The following RIPOR2 variants were observed in gnomAD, a reference collection of about 807,000 sequenced individuals.
RIPOR2 encodes RHO family interacting cell polarization regulator 2, also known as rho family-interacting cell polarization regulator 2.
In RIPOR2, 39 loss-of-function variants were observed where a neutral mutation model predicts 114.5. The ratio of observed to expected loss-of-function variants is 0.34; its 90% CI spans 0.26 to 0.44. RIPOR2 has a LOEUF of 0.44. RIPOR2 is among the 20% of genes least tolerant of loss of function. The pLI, the probability that RIPOR2 is intolerant of heterozygous loss-of-function variation, is 1.00. For missense variants in RIPOR2, 1,007 were observed against 1,255.1 expected (o/e 0.80, Z 2.99); for synonymous variants, 445 against 484.4 (o/e 0.92, Z 1.07).
intron 15 of RIPOR2, among the ~76,000 whole-genome samples, chr6:24,832,959 C>CT (rs1760799625): frequency 6.6e-6 from 1 of 152,152 alleles, no homozygotes; most frequent in African/African-American, 2.4e-5. Flanking sequence ...TGAGGCGGGT[C>CT]TTATTGATAT....
chr6:24,966,512 G>A (rs928930826), intron 1 of RIPOR2, among the ~76,000 whole-genome samples: 2 of 152,114 alleles, frequency 1.3e-5, no homozygotes, highest in African/African-American at 2.4e-5. Context: ...CTGCCGAGTC[G>A]GGAAATTATA....
intron 10 of RIPOR2, among the ~76,000 whole-genome samples, chr6:24,850,281 G>C (rs139839549): frequency 1.8e-4 from 27 of 152,022 alleles, no homozygotes; most frequent in African/African-American, 6.0e-4. Context: ...CTTTTGTAGA[G>C]ACGGCGTTTT....
chr6:25,016,087 G>T (rs1775986343), intron 1 of RIPOR2, among the ~76,000 whole-genome samples: 1 of 151,424 alleles, frequency 6.6e-6, no homozygotes, highest in Non-Finnish European at 1.5e-5. Flanking sequence ...TGTATTTTTA[G>T]TAGACACGGG....
chr6:24,811,670 T>C (rs1218831256), intron 20 of RIPOR2, among the ~76,000 whole-genome samples: 2 of 7,888 alleles, frequency 2.5e-4, no homozygotes, highest in African/African-American at 3.4e-4. Context: ...TTTTTTTTTT[T>C]TTTTTCTTTT....
chr6:24,808,077 G>A (rs1780893021), intron 21 of RIPOR2, among the ~76,000 whole-genome samples: 1 of 152,196 alleles, frequency 6.6e-6, no homozygotes, highest in Non-Finnish European at 1.5e-5. Flanking sequence ...ATCTTTGGGA[G>A]TAGATTGTTT....
intron 5 of RIPOR2, among the ~76,000 whole-genome samples, chr6:24,869,559 C>T (rs1364390615): frequency 2.0e-5 from 3 of 152,072 alleles, no homozygotes; most frequent in Non-Finnish European, 1.5e-5. Context: ...CTCAGGTGAT[C>T]CACCTGCCTT....
Position 24,825,264 on chromosome 6 carries a change from A to G in RIPOR2, c.2830T>C (p.Leu944=). Residue 944 remains leucine (L), a synonymous_variant, in exon 19 of 22, where the codon TTG becomes CTG. Coordinates refer to ENST00000643898, the MANE Select transcript of RIPOR2 (RefSeq NM_001286445.3). The part of the protein sequence containing the change: ...NEVSEAVTLY[L]AAASKNQHFR... ...TGCTGATTTTTGGAGGCTGCTGCCAAGTAAAGCGTCACAGCCTCACTAACT... is the reference window on the plus strand; with the variant it reads ...TGCTGATTTTTGGAGGCTGCTGCCAGGTAAAGCGTCACAGCCTCACTAACT... 1 of 1,551,376 alleles carries G rather than the reference A, an allele frequency of 6.4e-7. No individual in the cohort carries two copies. Among genetic ancestry groups the G allele is most frequent in the South Asian group, 1.2e-5 (1 of 84,034 alleles).
intron 1 of RIPOR2, among the ~76,000 whole-genome samples, chr6:25,013,360 G>C (rs1159345074): frequency 1.3e-5 from 2 of 152,132 alleles, no homozygotes; most frequent in Admixed American, 6.5e-5. Flanking sequence ...TCAAGCATCT[G>C]CAACTCCCCT....
At chr6:24,819,023 T>C (rs1759428779) in intron 19 of RIPOR2, among the ~76,000 whole-genome samples, 2 of 151,994 alleles carry the variant, frequency 1.3e-5, no homozygotes, top group Non-Finnish European at 2.9e-5. Context: ...TTATGTCCCA[T>C]CATAAAGGCC....
rs572949414 is a variant in RIPOR2, at chr6:25,036,045, A to G, written c.76+5806T>C. On this transcript the variant is annotated intron_variant, in intron 1 of 13. Coordinates refer to the RIPOR2 transcript ENST00000510784. ...CAGGAGAGCCCTCCTTCGAAGTCCCACAGCCCCAACCACAGTCCAGGGCAT... is the reference window on the plus strand; with the variant it reads ...CAGGAGAGCCCTCCTTCGAAGTCCCGCAGCCCCAACCACAGTCCAGGGCAT... 2.0e-5 allele frequency among the ~76,000 whole-genome samples: 3 copies of G among 152,280 alleles called. No individual in the cohort carries two copies. In the South Asian group the frequency reaches 6.2e-4, roughly 32 times the overall value.
intron 1 of RIPOR2, among the ~76,000 whole-genome samples, chr6:25,011,668 C>A (rs774955433): frequency 6.6e-6 from 1 of 152,302 alleles, no homozygotes; most frequent in South Asian, 2.1e-4. Flanking sequence ...TAAAAGGAAG[C>A]AAGTTCTTAA....
chr6:24,932,443 CTCTCTT>C (rs1318025401), intron 1 of RIPOR2, among the ~76,000 whole-genome samples: 1 of 148,852 alleles, frequency 6.7e-6, no homozygotes, highest in Non-Finnish European at 1.5e-5. Context: ...TTCTTTCTGT[CTCTCTT>C]TCTCTTTCTC....
At chr6:24,812,449 G>A in intron 20 of RIPOR2, among the ~76,000 whole-genome samples, 1 of 21,752 alleles carries the variant, frequency 4.6e-5, no homozygotes, top group Non-Finnish European at 1.4e-4. Flanking sequence ...ATTTCTTCAT[G>A]TGTTTTTTGG....
At chr6:24,878,001 A>C (rs1765970340) in intron 1 of RIPOR2, among the ~76,000 whole-genome samples, 1 of 152,224 alleles carries the variant, frequency 6.6e-6, no homozygotes, top group South Asian at 2.1e-4. Flanking sequence ...GGGATGAGTC[A>C]GGATGAAGCA....
At chr6:24,969,251 C>T (rs1007972812) in intron 1 of RIPOR2, among the ~76,000 whole-genome samples, 2 of 152,112 alleles carry the variant, frequency 1.3e-5, no homozygotes, top group African/African-American at 4.8e-5. Context: ...CGATTTGGGA[C>T]TCGCTATTCA....
chr6:24,919,726 G>C (rs1273862378), intron 1 of RIPOR2, among the ~76,000 whole-genome samples: 1 of 152,314 alleles, frequency 6.6e-6, no homozygotes, highest in East Asian at 1.9e-4. Context: ...ACGTACACAG[G>C]CCTCTCTGAG....
At chr6:24,849,770 CTA>C in intron 11 of RIPOR2, 30 bp downstream of exon 11, 1 of 1,586,202 alleles carries the variant, frequency 6.3e-7, no homozygotes, top group Non-Finnish European at 8.7e-7. Context: ...TCAGATATTT[CTA>C]TATGATGAAA....
rs143785002 is a variant in RIPOR2, at chr6:24,842,946, T to G, written c.1773A>C (p.Leu591Phe). 1.0e-3 allele frequency: 1,529 copies of G among 1,525,798 alleles called. 5 individuals are homozygous for G. In the African/African-American group the frequency reaches 0.013, roughly 13 times the overall value. The allele number at this position is 1,525,798 out of a possible 1,614,324, so 94.5% of individuals were successfully genotyped here. The change falls in exon 13 of 22, where the codon TTA (leucine) becomes TTC (phenylalanine). Residue 591 changes from leucine to phenylalanine, a missense_variant. Physicochemically the swap from Leu to Phe is conservative, Grantham distance 22 (BLOSUM62 0). Coordinates refer to ENST00000643898, the MANE Select transcript of RIPOR2 (RefSeq NM_001286445.3). ...GSLEDAFNGL[L>F]LALEPHKEQY... Reference sequence around the variant, plus strand: ...GCTCTTTATGTGGTTCTAATGCAAGTAAAAGCCCATTAAAAGCATCCTCTA... The same window carrying G: ...GCTCTTTATGTGGTTCTAATGCAAGGAAAAGCCCATTAAAAGCATCCTCTA...
chr6:24,946,744 C>T (rs546969848), intron 1 of RIPOR2, among the ~76,000 whole-genome samples: 13 of 152,288 alleles, frequency 8.5e-5, no homozygotes, highest in South Asian at 4.1e-4. Context: ...AGGTAGGCTT[C>T]GCAGTGCCAT....
Sources: allele counts gnomAD v4.1 joint callset (sites outside exome capture counted in the v4.1 genomes callset), GRCh38; gene constraint gnomAD v4.1.1; transcripts MANE v1.5; gene names NCBI Gene and HGNC (gene_info 2026-07-23, HGNC 2026-07-21).